The following PNPT1 variants were observed in gnomAD, a reference collection of about 807,000 sequenced individuals.
PNPT1 encodes polyribonucleotide nucleotidyltransferase 1, also known as polyribonucleotide nucleotidyltransferase 1, mitochondrial.
A neutral mutation model predicts 119.5 loss-of-function variants in PNPT1; 53 were observed. That is an observed-to-expected ratio of 0.44 (90% CI 0.36 to 0.56). The LOEUF (loss-of-function observed/expected upper bound fraction) is 0.56, where lower values mean the gene tolerates loss of function less well. Ranked by LOEUF, PNPT1 falls within the 20% of genes least tolerant of loss-of-function variation. PNPT1 has a pLI of 0.00. For synonymous variants in PNPT1, 357 were observed against 322.1 expected (o/e 1.11, Z -1.16); for missense variants, 948 against 938.5 (o/e 1.01, Z -0.13).
chr2:55,665,663 T>C (rs1368224068), intron 13 of PNPT1, among the ~76,000 whole-genome samples: 1 of 152,194 alleles, frequency 6.6e-6, no homozygotes, highest in Non-Finnish European at 1.5e-5. Flanking sequence ...GTGGAAATAG[T>C]GCCCTGGAGG....
chr2:55,660,589 G>C (rs954472842), intron 14 of PNPT1, among the ~76,000 whole-genome samples: 4 of 152,140 alleles, frequency 2.6e-5, no homozygotes, highest in Non-Finnish European at 5.9e-5. Flanking sequence ...TCCTGGGATG[G>C]GGCAGAATCT....
At chr2:55,691,079 C>T (rs137887637) in intron 1 of PNPT1, among the ~76,000 whole-genome samples, 3 of 152,306 alleles carry the variant, frequency 2.0e-5, no homozygotes, top group African/African-American at 7.2e-5. Flanking sequence ...CCTAAGTGAT[C>T]TCTGTGAAGG....
intron 18 of PNPT1, among the ~76,000 whole-genome samples, chr2:55,653,037 G>A (rs1390198922): frequency 2.6e-5 from 4 of 152,076 alleles, no homozygotes; most frequent in South Asian, 2.1e-4. Context: ...TAGTAGAGAC[G>A]GGGTTTCACT....
intron 18 of PNPT1, among the ~76,000 whole-genome samples, chr2:55,653,572 T>G (rs1696279579): frequency 6.6e-6 from 1 of 152,258 alleles, no homozygotes; most frequent in African/African-American, 2.4e-5. Flanking sequence ...CCTAACAACT[T>G]AGATCAGTGC....
Position 55,683,771 on chromosome 2 carries a change from A to G in PNPT1, c.453+14T>C. 6.2e-7 allele frequency: 1 copy of G among 1,606,620 alleles called. No individual in the cohort carries two copies. Among genetic ancestry groups the G allele is most frequent in the Non-Finnish European group, 8.5e-7 (1 of 1,174,784 alleles). ...GATTGATCTGGCAACTAAAAAACCT[A>G]AAGCAGAATCTACCTGTGTATCATA... On this transcript the variant is annotated intron_variant, in intron 5 of 27. Transcript: ENST00000447944.
Position 55,671,321 on chromosome 2 carries a change from T to C in PNPT1, c.974A>G (p.Lys325Arg). 1 of 1,504,368 alleles carries C rather than the reference T, an allele frequency of 6.6e-7. No individual in the cohort carries two copies. Among genetic ancestry groups the C allele is most frequent in the Non-Finnish European group, 9.0e-7 (1 of 1,115,720 alleles). The allele number at this position is 1,504,368 out of a possible 1,614,324, so 93.2% of individuals were successfully genotyped here. The change falls in exon 11 of 28, where the codon AAA becomes AGA. Residue 325 changes from lysine (K) to arginine (R), a missense_variant and splice_region_variant. By Grantham distance (26) the Lys-to-Arg change is conservative (BLOSUM62 2). Coordinates refer to ENST00000447944, the MANE Select transcript of PNPT1 (RefSeq NM_033109.5). ...KIRLDTEEQL[K>R]EKFPEADPYE... ...AAATAAAATAAAATAAAATTTACCTTTTAGTTGTTCCTCCGTATCTAATCT... is the reference window on the plus strand; with the variant it reads ...AAATAAAATAAAATAAAATTTACCTCTTAGTTGTTCCTCCGTATCTAATCT...
intron 11 of PNPT1, among the ~76,000 whole-genome samples, chr2:55,670,224 T>C (rs888086387): frequency 6.6e-6 from 1 of 152,108 alleles, no homozygotes; most frequent in Non-Finnish European, 1.5e-5. Context: ...TCTCGCTCCG[T>C]TGCCCAAGCT....
chr2:55,650,754 C>A (rs564711656), intron 18 of PNPT1, among the ~76,000 whole-genome samples: 2 of 149,948 alleles, frequency 1.3e-5, no homozygotes, highest in Non-Finnish European at 3.0e-5. Flanking sequence ...CGCCCGGCAA[C>A]CGCCCAGTCT....
chr2:55,646,234 G>C, intron 21 of PNPT1, 25 bp downstream of exon 21: 2 of 1,589,640 alleles, frequency 1.3e-6, no homozygotes, highest in Non-Finnish European at 1.7e-6. Flanking sequence ...AAAGAATGAA[G>C]GGAGAATCAA....
chr2:55,668,004 G>A (rs771376028), intron 11 of PNPT1, 46 bp from the exon 12 acceptor site: 2 of 1,489,032 alleles, frequency 1.3e-6, no homozygotes, highest in African/African-American at 1.4e-5. Context: ...ACTTTTTTAG[G>A]AGATAGGATT....
intron 18 of PNPT1, among the ~76,000 whole-genome samples, chr2:55,650,842 T>A (rs2104050766): frequency 6.7e-6 from 1 of 150,102 alleles, no homozygotes; most frequent in Admixed American, 6.6e-5. Context: ...AGCCACCCCG[T>A]CTGGGAAGTG....
chr2:55,640,627 C>G lies in PNPT1; in HGVS notation c.2148G>C (p.Lys716Asn). 4 of 1,575,254 alleles carry G rather than the reference C, an allele frequency of 2.5e-6. No homozygotes were observed. The highest frequency in any genetic ancestry group is 3.5e-6 in the Non-Finnish European group (4 of 1,146,254). ...LLHNTQLDQR[K>N]IKHPTALGLE... ...ATAACAATAACATCTGTCTTTTTAC[C>G]TTTCGTTGATCAAGTTGTGTGTTAT... Residue 716 changes from lysine to asparagine, a missense_variant and splice_region_variant, in exon 26 of 28, where the codon AAG becomes AAC. By Grantham distance (94) the Lys-to-Asn change is moderately conservative. Coordinates refer to ENST00000447944, the MANE Select transcript of PNPT1 (RefSeq NM_033109.5).
intron 15 of PNPT1, among the ~76,000 whole-genome samples, chr2:55,659,715 AT>A (rs1377253368): frequency 6.6e-6 from 1 of 152,132 alleles, no homozygotes; most frequent in Non-Finnish European, 1.5e-5. Flanking sequence ...TCTACTTATC[AT>A]TCTACACAAA....
In PNPT1 at chr2:55,693,757, G is replaced by T. The variant is rs2104206985; in HGVS notation, c.67C>A (p.Leu23Met). Residue 23 changes from leucine (L) to methionine (M), a missense_variant, in exon 1 of 28, where the codon CTG becomes ATG. By Grantham distance (15) the Leu-to-Met change is conservative. Transcript: ENST00000447944. ...LRPLSDGPFL[L>M]PRRDRALTQL... ...GTGAGTGCCCGATCCCGCCGTGGCA[G>T]AAGGAAAGGACCATCGCTCAGGGGC... 1 of 1,614,230 alleles carries T rather than the reference G, an allele frequency of 6.2e-7. No individual in the cohort carries two copies.
At chr2:55,637,846 A>G (rs1695722253) in intron 26 of PNPT1, among the ~76,000 whole-genome samples, 1 of 151,980 alleles carries the variant, frequency 6.6e-6, no homozygotes, top group African/African-American at 2.4e-5. Context: ...TAAAAATGCA[A>G]AAAATTAGCC....
chr2:55,640,018 T>C (rs1324620873), intron 26 of PNPT1, among the ~76,000 whole-genome samples: 2 of 152,188 alleles, frequency 1.3e-5, no homozygotes, highest in African/African-American at 2.4e-5. Context: ...ATAATACAAC[T>C]TCTAGCGTAT....
At chr2:55,664,472 T>C (rs963840258) in intron 13 of PNPT1, among the ~76,000 whole-genome samples, 14 of 152,160 alleles carry the variant, frequency 9.2e-5, no homozygotes, top group Non-Finnish European at 1.9e-4. Context: ...TAAAAAGTTG[T>C]GAGAAGTTAT....
chr2:55,640,110 T>C (rs1276536928), intron 26 of PNPT1, among the ~76,000 whole-genome samples: 1 of 152,238 alleles, frequency 6.6e-6, no homozygotes, highest in African/African-American at 2.4e-5. Context: ...AATATACTAT[T>C]TTATTGTCTA....
At chr2:55,680,958 T>TA in intron 5 of PNPT1, 40 bp from the exon 6 acceptor site, 5 of 1,536,354 alleles carry the variant, frequency 3.3e-6, no homozygotes, top group Non-Finnish European at 4.5e-6. Flanking sequence ...AGGGTTATCA[T>TA]TTAGGTTAAC....
Sources: allele counts gnomAD v4.1 joint callset (sites outside exome capture counted in the v4.1 genomes callset), GRCh38; gene constraint gnomAD v4.1.1; transcripts MANE v1.5; gene names NCBI Gene and HGNC (gene_info 2026-07-23, HGNC 2026-07-21).